The following PTGER3 variants were observed in gnomAD, a reference collection of about 807,000 sequenced individuals.
PTGER3 encodes the protein prostaglandin E receptor 3.
A neutral mutation model predicts 34.7 loss-of-function variants in PTGER3; 22 were observed. The ratio of observed to expected loss-of-function variants is 0.63; its 90% CI spans 0.45 to 0.91. PTGER3 has a LOEUF of 0.91. Among genes scored for constraint, PTGER3 ranks in the 40% least tolerant of loss-of-function variants. The pLI is 0.00. For synonymous variants in PTGER3, 241 were observed against 230.1 expected, an observed-to-expected ratio of 1.05 and a Z score of -0.43; for missense variants, 468 against 519.4, an observed-to-expected ratio of 0.90 and a Z score of 0.96.
rs780573346 is a variant in PTGER3, at chr1:70,865,724, T to C, written c.*24-12865A>G. The C allele has an allele frequency of 4.4e-6, 6 of 1,365,988 alleles. No homozygotes were observed. The South Asian group carries it at 6.8e-5, about 16-fold the overall frequency. 84.6% of individuals were successfully genotyped at this position (1,365,988 alleles called of 1,614,324 possible). ...GAAGCTCGCAAGTGTTAGTGGAAGT[T>C]GTGGATGTGATGAAGACATGGCGGG... On this transcript the variant is annotated intron_variant, in intron 4 of 4. Coordinates refer to the PTGER3 transcript ENST00000370931.
chr1:70,877,279 C>A (rs1286382320), intron 4 of PTGER3, among the ~76,000 whole-genome samples: 1 of 152,094 alleles, frequency 6.6e-6, no homozygotes, highest in East Asian at 1.9e-4. Context: ...TATAGAAATG[C>A]TACTGATTTC....
chr1:70,924,177 A>T (rs796330641), intron 4 of PTGER3, among the ~76,000 whole-genome samples: 11 of 152,164 alleles, frequency 7.2e-5, no homozygotes, highest in African/African-American at 2.6e-4. Context: ...AAAAAGTCTT[A>T]TTTATCTAAG....
chr1:71,023,075 G>T lies in PTGER3; in HGVS notation c.898-10591C>A, dbSNP rs149529395. 3.2e-4 allele frequency among the ~76,000 whole-genome samples: 48 copies of T among 151,802 alleles called. 2 individuals carry two copies. The highest frequency in any genetic ancestry group is 1.1e-3 in the African/African-American group (47 of 41,192). ...ATTCTCACCTACCTACATATAGACT[G>T]CTCCAGAAGTTACAGCCAAATTTCC... On this transcript the variant is annotated intron_variant, in intron 1 of 3. Transcript: ENST00000306666.
In PTGER3 at chr1:70,974,298, T is replaced by C. The variant is rs1450794825; in HGVS notation, c.1168A>G (p.Arg390Gly). The change falls in exon 3 of 4, where the codon AGA becomes GGA. Residue 390 changes from arginine (R) to glycine (G), a missense_variant and splice_region_variant. Around this residue, in one of 5 missense-constraint regions of PTGER3, gnomAD observed 57 missense variants for 43.8 expected, o/e 1.30. Coordinates refer to ENST00000306666, the MANE Select transcript of PTGER3 (RefSeq NM_198719.2). ...ATCCCGGCAGTTTCTAAATCTCACC[T>C]TTCCAAATGGTCGCTCCACATCAAG... ...STLMWSDHLE[R>G] 6.2e-7 allele frequency: 1 copy of C among 1,609,116 alleles called. No homozygotes were observed. The highest frequency in any genetic ancestry group is 2.2e-5 in the East Asian group (1 of 44,836).
Position 70,974,321 on chromosome 1 carries a change from A to T in PTGER3, c.1145T>A (p.Leu382Ter), listed in dbSNP as rs1653458623. Residue 382 changes from leucine (L) to a stop codon, truncating the protein, a stop_gained, in exon 3 of 4, where the codon TTG becomes TAG. Coordinates refer to ENST00000306666, the MANE Select transcript of PTGER3 (RefSeq NM_198719.2). LOFTEE classifies it high-confidence loss of function. ...TSLPCQCSST[L>*]MWSDHLER ...CCTTTCCAAATGGTCGCTCCACATC[A>T]AGGTTGAGGAACACTGGCAGGGTAA... The T allele has an allele frequency of 1.9e-6, 3 of 1,551,662 alleles. No homozygotes were observed. The highest frequency in any genetic ancestry group is 2.7e-6 in the Non-Finnish European group (3 of 1,123,524).
intron 1 of PTGER3, among the ~76,000 whole-genome samples, chr1:71,046,382 A>G (rs114052363): frequency 0.021 from 3,202 of 152,016 alleles, 48 homozygotes; most frequent in Middle Eastern, 0.048. Flanking sequence ...AGCTCTGCAT[A>G]TATGTCATTT....
rs902285591 is a variant in PTGER3 at position 70,939,412 on chromosome 1, G to A, written c.*23+14351C>T. 2.6e-5 allele frequency among the ~76,000 whole-genome samples: 4 copies of A among 152,184 alleles called. No individual in the cohort carries two copies. The East Asian group carries it at 5.8e-4, about 22-fold the overall frequency. ...CAGTTCTGGGGTCTGGAGGAAGGTGGCCCTCTTCTTACAGCTCCACTAGGC... is the reference window on the plus strand; with the variant it reads ...CAGTTCTGGGGTCTGGAGGAAGGTGACCCTCTTCTTACAGCTCCACTAGGC... On this transcript the variant is annotated intron_variant, in intron 4 of 4. Transcript: ENST00000370931.
chr1:70,978,240 G>A (rs78340623), intron 2 of PTGER3, among the ~76,000 whole-genome samples: 185 of 152,100 alleles, frequency 1.2e-3, no homozygotes, highest in African/African-American at 4.3e-3. Flanking sequence ...TTTGGTATAT[G>A]CTCTCATCTT....
Position 70,971,147 on chromosome 1 carries a change from A to T in PTGER3, c.*583T>A. On this transcript the variant is annotated 3_prime_UTR_variant, in exon 4 of 4. Transcript: ENST00000306666. ...CTAGAATTGAGACTTAGGAACTTTTAGTTCCATGCTAAGCCCACAGGGACA... is the reference window on the plus strand; with the variant it reads ...CTAGAATTGAGACTTAGGAACTTTTTGTTCCATGCTAAGCCCACAGGGACA... 1.0e-6 allele frequency: 1 copy of T among 985,442 alleles called. No individual in the cohort carries two copies. Among genetic ancestry groups the T allele is most frequent in the Non-Finnish European group, 1.2e-6 (1 of 829,932 alleles). 61.0% of individuals were successfully genotyped at this position (985,442 alleles called of 1,614,324 possible).
chr1:71,042,301 C>T (rs1660387212), intron 1 of PTGER3, among the ~76,000 whole-genome samples: 1 of 150,206 alleles, frequency 6.7e-6, no homozygotes, highest in Non-Finnish European at 1.5e-5. Flanking sequence ...CACACTTGCT[C>T]TCAGTCATGA....
intron 2 of PTGER3, among the ~76,000 whole-genome samples, chr1:70,996,853 G>A (rs1039491753): frequency 3.3e-5 from 5 of 152,018 alleles, no homozygotes; most frequent in African/African-American, 1.2e-4. Context: ...TAGTAGAGAC[G>A]GGGTTTCACC....
intron 4 of PTGER3, among the ~76,000 whole-genome samples, chr1:70,930,740 C>T (rs754007234): frequency 1.2e-4 from 19 of 152,022 alleles, no homozygotes; most frequent in Non-Finnish European, 1.8e-4. Context: ...TGAGGGAAAC[C>T]GCCCCATGGT....
At chr1:71,023,162 T>A (rs1456053709) in intron 1 of PTGER3, among the ~76,000 whole-genome samples, 1 of 151,858 alleles carries the variant, frequency 6.6e-6, no homozygotes, top group East Asian at 1.9e-4. Flanking sequence ...CAGCCTGACC[T>A]CTGTGTTCAC....
chr1:71,025,165 T>TTCCTTCCTTCCTTAC (rs1553178212), intron 1 of PTGER3, among the ~76,000 whole-genome samples: 1 of 79,610 alleles, frequency 1.3e-5, no homozygotes, highest in African/African-American at 5.1e-5. Context: ...TCCTTCCTTC[T>TTCCTTCCTTCCTTAC]TTCCTTCCTT....
intron 4 of PTGER3, among the ~76,000 whole-genome samples, chr1:70,855,086 A>T (rs1645771096): frequency 6.6e-6 from 1 of 152,236 alleles, no homozygotes; most frequent in African/African-American, 2.4e-5. Flanking sequence ...GTCCACTGAC[A>T]TATAAATGGA....
chr1:70,888,340 A>C (rs1163268020), intron 4 of PTGER3, among the ~76,000 whole-genome samples: 1 of 152,238 alleles, frequency 6.6e-6, no homozygotes, highest in Non-Finnish European at 1.5e-5. Context: ...AGGAACATCA[A>C]AATGTATCTA....
At chr1:70,990,947 CT>C (rs1227627094) in intron 2 of PTGER3, among the ~76,000 whole-genome samples, 11 of 152,180 alleles carry the variant, frequency 7.2e-5, no homozygotes, top group African/African-American at 2.7e-4. Context: ...TAATTTCTTG[CT>C]CAAAAGAAAG....
intron 4 of PTGER3, among the ~76,000 whole-genome samples, chr1:70,854,364 T>A (rs984221197): frequency 6.6e-6 from 1 of 152,168 alleles, no homozygotes; most frequent in African/African-American, 2.4e-5. Context: ...TGACAAGATA[T>A]TCAATGTCAC....
At chr1:70,852,807 C>T in exon 5 of PTGER3, 1 of 1,611,498 alleles carries the variant, frequency 6.2e-7, no homozygotes, top group South Asian at 1.1e-5. Flanking sequence ...CATGGAGCTT[C>T]CAGTGATGTG....
Sources: gnomAD v4.1 joint callset for allele counts (sites outside exome capture counted in the v4.1 genomes callset) on GRCh38, gnomAD v4.1.1 for gene constraint, gnomAD v4.1.1 regional missense constraint, MANE v1.5 for transcripts, NCBI Gene and HGNC (gene_info 2026-07-23, HGNC 2026-07-21) for gene names.